The following TBCD variants were observed in gnomAD, a reference collection of about 807,000 sequenced individuals.
TBCD encodes tubulin folding cofactor D.
TBCD carries 105 observed loss-of-function variants against 169.3 expected under a neutral mutation model. The observed-to-expected ratio is 0.62, with a 90% confidence interval of 0.53 to 0.73. The LOEUF is 0.73. Among genes scored for constraint, TBCD ranks in the 30% least tolerant of loss-of-function variants. The pLI is 0.00. For missense variants in TBCD, 1,444 were observed against 1,600.1 expected (o/e 0.90, Z 1.66); for synonymous variants, 700 against 643.9 (o/e 1.09, Z -1.32).
intron 2 of TBCD, among the ~76,000 whole-genome samples, chr17:82,763,490 C>T (rs1037868717): frequency 1.3e-5 from 2 of 152,128 alleles, no homozygotes; most frequent in African/African-American, 2.4e-5. Context: ...CCTGTAATCC[C>T]ATCACTTTGG....
At chr17:82,828,131 AGTTG>A (rs2053070059) in intron 13 of TBCD, among the ~76,000 whole-genome samples, 1 of 138,836 alleles carries the variant, frequency 7.2e-6, no homozygotes, top group Non-Finnish European at 1.5e-5. Flanking sequence ...ACACCCACAC[AGTTG>A]AATGTGCATA....
chr17:82,830,984 T>C, intron 13 of TBCD: 3 of 1,613,570 alleles, frequency 1.9e-6, no homozygotes, highest in Non-Finnish European at 2.5e-6. Context: ...ACCAGAAACA[T>C]TCCCTTGGAG....
intron 13 of TBCD, among the ~76,000 whole-genome samples, chr17:82,822,115 C>T (rs2052464897): frequency 6.6e-6 from 1 of 152,130 alleles, no homozygotes; most frequent in Non-Finnish European, 1.5e-5. Flanking sequence ...TTCTGGCTTC[C>T]AAAAGAAACT....
chr17:82,800,369 C>T (rs1220490841), intron 8 of TBCD, among the ~76,000 whole-genome samples: 9 of 152,110 alleles, frequency 5.9e-5, no homozygotes, highest in Admixed American at 5.2e-4. Context: ...TGCATGACAC[C>T]GAGTGATTCC....
rs368920040 is a variant in TBCD, at chr17:82,831,962, C to G, written c.1318+17028C>G. 3.1e-6 allele frequency: 5 copies of G among 1,613,818 alleles called. No homozygotes were observed. Among genetic ancestry groups the G allele is most frequent in the Non-Finnish European group, 4.2e-6 (5 of 1,179,858 alleles). ...GGCCCCTTGAGTCTGTGCTCGCCGA[C>G]TGGAACAAATGCAGAAGGCCGAGCT... On this transcript the variant is annotated intron_variant, in intron 13 of 38. Coordinates refer to ENST00000355528, the MANE Select transcript of TBCD (RefSeq NM_005993.5). The surrounding 1 kb of genome is among the most constrained non-coding windows in gnomAD (Gnocchi z 4.6).
At chr17:82,855,021 C>T (rs1445872888) in intron 13 of TBCD, among the ~76,000 whole-genome samples, 6 of 152,140 alleles carry the variant, frequency 3.9e-5, no homozygotes, top group Non-Finnish European at 7.3e-5. Flanking sequence ...GGAACAGAAG[C>T]ATTGGGGCGT....
Position 82,890,804 on chromosome 17 carries a change from C to T in TBCD, c.1563+1107C>T, listed in dbSNP as rs1200495538. Among the ~76,000 whole-genome samples, 1 of 152,204 alleles carries T rather than the reference C, an allele frequency of 6.6e-6. No homozygotes were observed. Among genetic ancestry groups the T allele is most frequent in the Non-Finnish European group, 1.5e-5 (1 of 68,026 alleles). ...TCACTAGGAAGAGACACCAGCCTTG[C>T]AAGGGGAGCCTGGGTGTGCAGACAG... On this transcript the variant is annotated intron_variant, in intron 16 of 38. Coordinates refer to ENST00000355528, the MANE Select transcript of TBCD (RefSeq NM_005993.5). The surrounding 1 kb of genome is among the most constrained non-coding windows in gnomAD (Gnocchi z 5.3).
rs974054390 is a variant in TBCD, at chr17:82,764,038, T to G, written c.309T>G (p.Phe103Leu). ...TSPASLVHLA[F>L]KFLYIITKVR... ...CAGCTTCCCTTGTACATCTGGCTTT[T>G]AAATTTCTTTACATCATCACCAAGG... is the stretch of plus-strand genomic sequence containing the variant. The change falls in exon 3 of 39, where the codon TTT becomes TTG. Residue 103 changes from phenylalanine (F) to leucine (L), a missense_variant. Physicochemically the swap from Phe to Leu is conservative, Grantham distance 22. Transcript: ENST00000355528. 3 of 1,613,804 alleles carry G rather than the reference T, an allele frequency of 1.9e-6. No homozygotes were observed. The highest frequency in any genetic ancestry group is 2.5e-6 in the Non-Finnish European group (3 of 1,179,752).
rs536226161 is a variant in TBCD, at chr17:82,938,354, A to G, written c.3369+218A>G. ...GACGGGCTGTCCGGCTGGCGTTTCT[A>G]TGGACATACATTGAGGGGTGACCTG... is the stretch of plus-strand genomic sequence containing the variant. On this transcript the variant is annotated intron_variant, in intron 36 of 38. Transcript: ENST00000355528. Among the ~76,000 whole-genome samples the G allele has an allele frequency of 1.2e-4, 18 of 152,288 alleles. No individual in the cohort carries two copies. In the East Asian group the frequency reaches 3.3e-3, roughly 28 times the overall value.
chr17:82,856,958 G>T (rs955987039), intron 13 of TBCD, among the ~76,000 whole-genome samples: 5 of 147,272 alleles, frequency 3.4e-5, no homozygotes, highest in South Asian at 2.2e-4. Flanking sequence ...GCTGGACCGC[G>T]TGCGGACCCT....
intron 14 of TBCD, among the ~76,000 whole-genome samples, chr17:82,875,485 C>G (rs975371333): frequency 1.3e-5 from 2 of 152,250 alleles, no homozygotes; most frequent in African/African-American, 4.8e-5. Flanking sequence ...ACCTGAAACT[C>G]TTTTGTAAGC....
rs1212312931 is a variant in TBCD at position 82,920,655 on chromosome 17, C to T, written c.2101+37C>T. On this transcript the variant is annotated intron_variant, in intron 24 of 38. Transcript: ENST00000355528. The surrounding 1 kb of genome is among the most constrained non-coding windows in gnomAD (Gnocchi z 4.1). ...TGTTTTTAATAATAGCATTTTCTTA[C>T]AGAATGACTTCAGATTAAAAGGTAA... The T allele has an allele frequency of 1.3e-6, 2 of 1,487,898 alleles. No individual in the cohort carries two copies. Among genetic ancestry groups the T allele is most frequent in the Non-Finnish European group, 1.8e-6 (2 of 1,099,826 alleles). 92.2% of individuals were successfully genotyped at this position (1,487,898 alleles called of 1,614,324 possible).
intron 13 of TBCD, among the ~76,000 whole-genome samples, chr17:82,847,838 G>T (rs946010767): frequency 1.3e-5 from 2 of 152,242 alleles, no homozygotes; most frequent in African/African-American, 4.8e-5. Flanking sequence ...AGCCAGGATG[G>T]TCTTGATCTC....
chr17:82,764,593 C>T (rs1598399353), intron 3 of TBCD, among the ~76,000 whole-genome samples: 1 of 152,154 alleles, frequency 6.6e-6, no homozygotes. Context: ...TGCAGTGAGC[C>T]GAGATCATGC....
intron 23 of TBCD, among the ~76,000 whole-genome samples, chr17:82,916,599 GT>G (rs2061052655): frequency 1.3e-5 from 2 of 152,032 alleles, no homozygotes; most frequent in East Asian, 1.9e-4. Context: ...ATTCGTTTGT[GT>G]TTTGGCACTT....
chr17:82,816,024 G>A (rs950955050), intron 13 of TBCD, among the ~76,000 whole-genome samples: 1 of 151,982 alleles, frequency 6.6e-6, no homozygotes, highest in African/African-American at 2.4e-5. Flanking sequence ...CATTTTCATT[G>A]CCTCCAAAGG....
chr17:82,865,115 A>C (rs968245352), intron 13 of TBCD, among the ~76,000 whole-genome samples: 7 of 152,000 alleles, frequency 4.6e-5, no homozygotes, highest in African/African-American at 1.7e-4. Context: ...CAGTGGAACC[A>C]GGTGTTCTGT....
chr17:82,887,168 T>TGTGTGTGTGTGTGTGCGCGCGCGCGCGC, intron 15 of TBCD, among the ~76,000 whole-genome samples: 27 of 126,088 alleles, frequency 2.1e-4, no homozygotes, highest in South Asian at 5.9e-4. Flanking sequence ...TGTGTGTGTG[T>TGTGTGTGTGTGTGTGCGCGCGCGCGCGC]GCGCGCGCGC....
chr17:82,903,571 GGTT>G lies in TBCD; in HGVS notation c.1804+96_1804+98del, dbSNP rs529241738. The G allele has an allele frequency of 4.3e-3, 5,667 of 1,304,402 alleles. 20 individuals are homozygous for G. The highest frequency in any genetic ancestry group is 5.4e-3 in the Non-Finnish European group (5,071 of 935,440). The allele number at this position is 1,304,402 out of a possible 1,614,324, so 80.8% of individuals were successfully genotyped here. The stretch of plus-strand genomic sequence containing the variant: ...TTCAAAGGCTGGGGGCTGAAAATAA[GGTT>G]GTGCTTCTGTCTTGGTGAGAAGCAT... On this transcript the variant is annotated intron_variant, in intron 19 of 38. Coordinates refer to ENST00000355528, the MANE Select transcript of TBCD (RefSeq NM_005993.5). The surrounding 1 kb of genome is among the most constrained non-coding windows in gnomAD (Gnocchi z 4.8).
Sources: allele counts gnomAD v4.1 joint callset (sites outside exome capture counted in the v4.1 genomes callset), GRCh38; gene constraint gnomAD v4.1.1; non-coding constraint Gnocchi (gnomAD v3.1); transcripts MANE v1.5; gene names NCBI Gene and HGNC (gene_info 2026-07-23, HGNC 2026-07-21).